Variants in USP34 observed in about 807,000 individuals in gnomAD.
USP34 encodes ubiquitin carboxyl-terminal hydrolase 34.
A neutral mutation model predicts 460.3 loss-of-function variants in USP34; 70 were observed. That is an observed-to-expected ratio of 0.15 (90% CI 0.13 to 0.19). USP34 has a LOEUF of 0.19. Ranked by LOEUF, USP34 falls within the 10% of genes least tolerant of loss-of-function variation. The probability of loss-of-function intolerance (pLI) is 1.00; values close to 1 mark genes in which losing one functional copy is unlikely to be tolerated. For missense variants in USP34, 3,985 were observed against 4,236.2 expected (o/e 0.94, Z 1.65); for synonymous variants, 1,647 against 1,405.3 (o/e 1.17, Z -3.85).
At chr2:61,336,626 G>A (rs1202260597) in intron 18 of USP34, among the ~76,000 whole-genome samples, 2 of 151,186 alleles carry the variant, frequency 1.3e-5, no homozygotes, top group African/African-American at 2.4e-5. Flanking sequence ...CCTGGCCAAC[G>A]TGGCAAAACC....
rs75734319 is a variant in USP34, at chr2:61,228,166, T to C, written c.7443+479A>G. On this transcript the variant is annotated intron_variant, in intron 61 of 79. Coordinates refer to ENST00000398571, the MANE Select transcript of USP34 (RefSeq NM_014709.4). ...TAAATGGAGATATAAAGGGTACTTATCTCTTATGGTTAAGAAAAGGACTGA... is the reference window on the plus strand; with the variant it reads ...TAAATGGAGATATAAAGGGTACTTACCTCTTATGGTTAAGAAAAGGACTGA... Among the ~76,000 whole-genome samples, 1,250 of 152,330 alleles carry C rather than the reference T, an allele frequency of 8.2e-3. 18 individuals are homozygous for C. The highest frequency in any genetic ancestry group is 1.0e-2 in the Non-Finnish European group (677 of 68,032).
chr2:61,220,209 A>T, intron 67 of USP34, 101 bp downstream of exon 67: 1 of 619,806 alleles, frequency 1.6e-6, no homozygotes, highest in Non-Finnish European at 2.4e-6. Flanking sequence ...AGAATTTCGT[A>T]GTATACAACA....
At chr2:61,352,049 T>C (rs1448261306) in intron 10 of USP34, among the ~76,000 whole-genome samples, 2 of 152,302 alleles carry the variant, frequency 1.3e-5, no homozygotes, top group Non-Finnish European at 1.5e-5. Flanking sequence ...TTTGGATTTT[T>C]CCACACTTTG....
intron 1 of USP34, among the ~76,000 whole-genome samples, chr2:61,443,014 T>C (rs1695009381): frequency 6.6e-6 from 1 of 151,980 alleles, no homozygotes; most frequent in African/African-American, 2.4e-5. Flanking sequence ...GGACATTATC[T>C]TATGTGAAAT....
chr2:61,378,913 G>GAAAAAAAAC (rs1692879776), intron 7 of USP34, among the ~76,000 whole-genome samples: 4 of 57,872 alleles, frequency 6.9e-5, no homozygotes, highest in Non-Finnish European at 1.1e-4. Context: ...TCAAAAAAAC[G>GAAAAAAAAC]AAAAAAAAAA....
At chr2:61,305,055 G>A (rs1188117969) in intron 27 of USP34, among the ~76,000 whole-genome samples, 4 of 152,126 alleles carry the variant, frequency 2.6e-5, no homozygotes, top group Non-Finnish European at 5.9e-5. Context: ...GACGGGTGTG[G>A]TGGCTCACGC....
chr2:61,304,254 T>G (rs1690332188), intron 27 of USP34, among the ~76,000 whole-genome samples: 1 of 152,218 alleles, frequency 6.6e-6, no homozygotes, highest in Non-Finnish European at 1.5e-5. Context: ...ATGTAATGAT[T>G]GATATTTGCA....
At chr2:61,449,607 G>GT (rs1301064840) in intron 1 of USP34, among the ~76,000 whole-genome samples, 3 of 151,834 alleles carry the variant, frequency 2.0e-5, no homozygotes, top group Admixed American at 6.6e-5. Context: ...TAGTACTGGC[G>GT]TAAGGATAGA....
At chr2:61,431,955 AT>A (rs1348993978) in intron 1 of USP34, among the ~76,000 whole-genome samples, 1 of 152,166 alleles carries the variant, frequency 6.6e-6, no homozygotes. Context: ...AATTACCCCA[AT>A]TTGATCATTA....
chr2:61,302,957 T>C (rs1690274406), intron 27 of USP34, among the ~76,000 whole-genome samples: 1 of 152,250 alleles, frequency 6.6e-6, no homozygotes, highest in Admixed American at 6.5e-5. Context: ...AAAATAAATT[T>C]ACCTAACATC....
chr2:61,301,851 C>T (rs1690235844), intron 27 of USP34, among the ~76,000 whole-genome samples: 1 of 152,198 alleles, frequency 6.6e-6, no homozygotes, highest in African/African-American at 2.4e-5. Context: ...AAAAGCTTCA[C>T]TTCACCATTA....
At chr2:61,205,725 G>A (rs1687101133) in intron 72 of USP34, among the ~76,000 whole-genome samples, 1 of 152,146 alleles carries the variant, frequency 6.6e-6, no homozygotes, top group Non-Finnish European at 1.5e-5. Context: ...CATTTATATG[G>A]TTCAACCTTG....
At chr2:61,338,591 G>T (rs951752754) in intron 18 of USP34, among the ~76,000 whole-genome samples, 1 of 152,086 alleles carries the variant, frequency 6.6e-6, no homozygotes, top group Non-Finnish European at 1.5e-5. Context: ...ATTAATAACT[G>T]AACTGTCAAC....
At position 61,469,093 on chromosome 2, in the gene USP34, G is replaced by C. The variant is rs1474797578; in HGVS notation, c.43+1557C>G. On this transcript the variant is annotated intron_variant, in intron 1 of 79. Coordinates refer to ENST00000398571, the MANE Select transcript of USP34 (RefSeq NM_014709.4). ...ATGGTGTGGGGAACCTACATTTCCAGCTACTTGGGAGGCTGAGGCAGGAGA... is the reference window on the plus strand; with the variant it reads ...ATGGTGTGGGGAACCTACATTTCCACCTACTTGGGAGGCTGAGGCAGGAGA... Among the ~76,000 whole-genome samples the C allele has an allele frequency of 2.0e-5, 3 of 152,224 alleles. No individual in the cohort carries two copies. In the East Asian group the frequency reaches 5.8e-4, roughly 29 times the overall value.
rs546514437 is a variant in USP34, at chr2:61,447,713, T to G, written c.43+22937A>C. Reference sequence around the variant, plus strand: ...ATTGGTTTTTTTAGTTTTGGGTTTTTTCTTTTATTTATTTATTTATTTGAG... The same window carrying G: ...ATTGGTTTTTTTAGTTTTGGGTTTTGTCTTTTATTTATTTATTTATTTGAG... On this transcript the variant is annotated intron_variant, in intron 1 of 79. Coordinates refer to ENST00000398571, the MANE Select transcript of USP34 (RefSeq NM_014709.4). Among the ~76,000 whole-genome samples the G allele has an allele frequency of 7.2e-4, 110 of 152,262 alleles. No homozygotes were observed. The Middle Eastern group carries it at 0.017, about 24-fold the overall frequency.
At chr2:61,312,495 C>G (rs1290141507) in intron 25 of USP34, among the ~76,000 whole-genome samples, 1 of 148,486 alleles carries the variant, frequency 6.7e-6, no homozygotes, top group Non-Finnish European at 1.5e-5. Context: ...AGACAGGATC[C>G]AAGGTACCTG....
intron 41 of USP34, among the ~76,000 whole-genome samples, chr2:61,274,986 A>G (rs1689328592): frequency 6.6e-6 from 1 of 152,192 alleles, no homozygotes; most frequent in African/African-American, 2.4e-5. Flanking sequence ...CAGATAAAAT[A>G]ATATTCTGGG....
intron 51 of USP34, among the ~76,000 whole-genome samples, chr2:61,244,509 C>A (rs981835478): frequency 6.6e-6 from 1 of 151,500 alleles, no homozygotes; most frequent in African/African-American, 2.4e-5. Flanking sequence ...CAGCTACTCC[C>A]GAGGCTGAGA....
At chr2:61,327,022 G>T (rs1161185958) in intron 20 of USP34, among the ~76,000 whole-genome samples, 1 of 151,866 alleles carries the variant, frequency 6.6e-6, no homozygotes, top group Non-Finnish European at 1.5e-5. Context: ...CTGACCTCAG[G>T]TGACCCACCC....
Sources: allele counts gnomAD v4.1 joint callset (sites outside exome capture counted in the v4.1 genomes callset), GRCh38; gene constraint gnomAD v4.1.1; transcripts MANE v1.5; gene names NCBI Gene and HGNC (gene_info 2026-07-23, HGNC 2026-07-21).